Variants in ZBTB37 observed in about 807,000 individuals in gnomAD.
ZBTB37 encodes the protein zinc finger and BTB domain-containing protein 37.
In ZBTB37, 15 loss-of-function variants were observed where a neutral mutation model predicts 37.7. The ratio of observed to expected loss-of-function variants is 0.40; its 90% CI spans 0.27 to 0.61. ZBTB37 has a LOEUF of 0.61. Ranked by LOEUF, ZBTB37 falls within the 20% of genes least tolerant of loss-of-function variation. The probability of loss-of-function intolerance (pLI) is 0.44; values close to 1 mark genes in which losing one functional copy is unlikely to be tolerated. For synonymous variants in ZBTB37, 231 were observed against 220.6 expected, an observed-to-expected ratio of 1.05 and a Z score of -0.42; for missense variants, 514 against 641.9, an observed-to-expected ratio of 0.80 and a Z score of 2.15.
At chr1:173,901,619 T>G (rs922943100) in exon 4 of ZBTB37, 1 of 152,432 alleles carries the variant, frequency 6.6e-6, no homozygotes, top group Non-Finnish European at 1.5e-5. Flanking sequence ...CAGGCTGGTC[T>G]CAAACTCCTG....
At chr1:173,876,974 A>G (rs1388394641) in intron 4 of ZBTB37, among the ~76,000 whole-genome samples, 2 of 152,228 alleles carry the variant, frequency 1.3e-5, no homozygotes, top group Non-Finnish European at 2.9e-5. Context: ...CCTAGGCTGC[A>G]AACCTGTATA....
At chr1:173,897,948 TTCTC>T (rs1326928575) in exon 4 of ZBTB37, 6 of 152,312 alleles carry the variant, frequency 3.9e-5, no homozygotes, top group Non-Finnish European at 5.9e-5. Context: ...GTGCTTTTTT[TTCTC>T]TCTCTGTCTC....
At chr1:173,872,834 C>CT (rs1655666274) in intron 3 of ZBTB37, among the ~76,000 whole-genome samples, 1 of 150,458 alleles carries the variant, frequency 6.6e-6, no homozygotes, top group South Asian at 2.1e-4. Flanking sequence ...ATGGTGAATC[C>CT]CATCTCTACT....
chr1:173,875,300 T>TTA (rs990223590), intron 4 of ZBTB37, among the ~76,000 whole-genome samples: 7 of 149,326 alleles, frequency 4.7e-5, no homozygotes, highest in South Asian at 2.1e-4. Flanking sequence ...AGCATTTTAT[T>TTA]TATATATATA....
chr1:173,872,015 CA>C (rs1655598312), intron 3 of ZBTB37, among the ~76,000 whole-genome samples: 1 of 152,208 alleles, frequency 6.6e-6, no homozygotes, highest in Admixed American at 6.5e-5. Flanking sequence ...ACAAATGTAT[CA>C]CAGAGATTCA....
chr1:173,881,869 A>G (rs1656329475), intron 4 of ZBTB37, among the ~76,000 whole-genome samples: 1 of 152,076 alleles, frequency 6.6e-6, no homozygotes, highest in Non-Finnish European at 1.5e-5. Context: ...CCTGGCTAAC[A>G]CGGTGAAACC....
At chr1:173,873,340 TCA>T in intron 3 of ZBTB37, 125 bp from the exon 4 acceptor site, 1 of 890,824 alleles carries the variant, frequency 1.1e-6, no homozygotes, top group Non-Finnish European at 1.6e-6. Context: ...AAACTATTCC[TCA>T]GTTATTTGTT....
intron 1 of ZBTB37, among the ~76,000 whole-genome samples, 174 bp downstream of exon 1, chr1:173,868,579 T>G (rs1292840013): frequency 6.6e-6 from 1 of 152,154 alleles, no homozygotes; most frequent in African/African-American, 2.4e-5. Context: ...CCGGCCGGGC[T>G]GATCTGCCGG....
exon 4 of ZBTB37, chr1:173,895,024 G>A (rs1656989979): frequency 6.6e-6 from 1 of 152,162 alleles, no homozygotes; most frequent in African/African-American, 2.4e-5. Flanking sequence ...GTGAACATTT[G>A]CCTGGTTTTG....
rs185578454 is a variant in ZBTB37, at chr1:173,876,566, C to G, written c.1023+3000C>G. Among the ~76,000 whole-genome samples, 105 of 152,294 alleles carry G rather than the reference C, an allele frequency of 6.9e-4. 2 individuals carry two copies. The East Asian group carries it at 0.016, about 23-fold the overall frequency. On this transcript the variant is annotated intron_variant, in intron 4 of 4. Transcript: ENST00000427304. ...CTCCTGACCTCAGGTAATCCAACCG[C>G]CTCAGCCTCCCGAAGTGCTGGGATT...
chr1:173,874,332 A>G (rs1039254042), intron 4 of ZBTB37, among the ~76,000 whole-genome samples: 4 of 151,394 alleles, frequency 2.6e-5, no homozygotes, highest in Non-Finnish European at 5.9e-5. Flanking sequence ...AATCTATAGA[A>G]AACATCTTTT....
At chr1:173,883,524 A>G (rs1015310277) in intron 4 of ZBTB37, among the ~76,000 whole-genome samples, 4 of 152,184 alleles carry the variant, frequency 2.6e-5, no homozygotes, top group Non-Finnish European at 4.4e-5. Flanking sequence ...AGAATCCTCT[A>G]AAGCTGGCAA....
At chr1:173,874,912 TA>T (rs1475025670) in intron 4 of ZBTB37, among the ~76,000 whole-genome samples, 2 of 151,764 alleles carry the variant, frequency 1.3e-5, no homozygotes, top group African/African-American at 4.9e-5. Flanking sequence ...ACTTTTTTTT[TA>T]AAATTCTTGC....
chr1:173,890,506 T>G (rs1325117060), downstream of ZBTB37: 2 of 152,228 alleles, frequency 1.3e-5, no homozygotes, highest in East Asian at 3.8e-4. Flanking sequence ...AAATGAGTCT[T>G]AATTGAACTT....
chr1:173,883,828 C>T (rs1322942000), intron 4 of ZBTB37, among the ~76,000 whole-genome samples: 1 of 152,032 alleles, frequency 6.6e-6, no homozygotes, highest in Non-Finnish European at 1.5e-5. Context: ...TAGGAAGGGA[C>T]AAAACACATT....
chr1:173,877,221 G>A (rs1656027473), intron 4 of ZBTB37, among the ~76,000 whole-genome samples: 1 of 151,906 alleles, frequency 6.6e-6, no homozygotes, highest in African/African-American at 2.4e-5. Context: ...CTTAATGGGG[G>A]CATAAGACAG....
chr1:173,890,455 T>A (rs1656799061), downstream of ZBTB37: 1 of 152,226 alleles, frequency 6.6e-6, no homozygotes, highest in Non-Finnish European at 1.5e-5. Flanking sequence ...TCCTAAAATG[T>A]CCTTCCCCTT....
At chr1:173,879,814 G>A (rs1208929956) in intron 4 of ZBTB37, among the ~76,000 whole-genome samples, 1 of 152,138 alleles carries the variant, frequency 6.6e-6, no homozygotes, top group Non-Finnish European at 1.5e-5. Context: ...AGCCAGGCAT[G>A]GTGGTGGGCA....
chr1:173,881,539 CACAATGGTTGAACTAGTTT>C (rs1656308015), intron 4 of ZBTB37, among the ~76,000 whole-genome samples: 1 of 152,170 alleles, frequency 6.6e-6, no homozygotes, highest in Admixed American at 6.5e-5. Flanking sequence ...CACTGTCTTC[CACAATGGTTGAACTAGTTT>C]ACAGTCCCAC....
Sources: gnomAD v4.1 joint callset for allele counts (sites outside exome capture counted in the v4.1 genomes callset) on GRCh38, gnomAD v4.1.1 for gene constraint, MANE v1.5 for transcripts, NCBI Gene and HGNC (gene_info 2026-07-23, HGNC 2026-07-21) for gene names.